Variants in NPHP4 observed in about 807,000 individuals in gnomAD.
NPHP4 encodes the protein nephrocystin 4, also known as nephrocystin-4.
In NPHP4, 151 loss-of-function variants were observed where a neutral mutation model predicts 155.8. The ratio of observed to expected loss-of-function variants is 0.97; its 90% CI spans 0.85 to 1.11. The LOEUF (loss-of-function observed/expected upper bound fraction) is 1.11, where lower values mean the gene tolerates loss of function less well. Ranked by LOEUF, NPHP4 falls within the 50% of genes least tolerant of loss-of-function variation. The pLI is 0.00. For synonymous variants in NPHP4, 845 were observed against 816.8 expected, an observed-to-expected ratio of 1.03 and a Z score of -0.59; for missense variants, 1,956 against 1,925.7, an observed-to-expected ratio of 1.02 and a Z score of -0.29.
chr1:5,951,736 TC>T (rs1164295596), intron 7 of NPHP4, among the ~76,000 whole-genome samples: 1 of 152,144 alleles, frequency 6.6e-6, no homozygotes, highest in Non-Finnish European at 1.5e-5. Context: ...ACATAAGCAG[TC>T]CCCAAACCTG....
chr1:5,968,618 C>T (rs1283633543), intron 4 of NPHP4, among the ~76,000 whole-genome samples: 3 of 151,136 alleles, frequency 2.0e-5, no homozygotes, highest in African/African-American at 4.9e-5. Context: ...AAAAAAAAGG[C>T]AAACCCCCAA....
In NPHP4 at chr1:5,974,627, C is replaced by T. The variant is rs1438520341; in HGVS notation, c.279+3643G>A. On this transcript the variant is annotated intron_variant, in intron 3 of 29. Coordinates refer to ENST00000378156, the MANE Select transcript of NPHP4 (RefSeq NM_015102.5). ...CAGAATTCTGAGCTCAGAGCTGAGA[C>T]GTGTCTGGGGACTGCTCTCCTGCAT... 2.0e-5 allele frequency among the ~76,000 whole-genome samples: 3 copies of T among 151,250 alleles called. 1 individual carries two copies. The highest frequency in any genetic ancestry group is 1.3e-4 in the Admixed American group (2 of 15,172).
At chr1:5,936,784 G>A (rs1646562399) in intron 9 of NPHP4, among the ~76,000 whole-genome samples, 1 of 152,174 alleles carries the variant, frequency 6.6e-6, no homozygotes, top group Non-Finnish European at 1.5e-5. Flanking sequence ...CGGGCTCAAT[G>A]TGTCCTCCAA....
intron 2 of NPHP4, among the ~76,000 whole-genome samples, chr1:5,985,798 T>A (rs1655388836): frequency 6.6e-6 from 1 of 152,232 alleles, no homozygotes; most frequent in Non-Finnish European, 1.5e-5. Context: ...ATGATGGGAC[T>A]CTATCCTGTT....
chr1:5,902,707 T>C (rs1194000634), intron 16 of NPHP4, among the ~76,000 whole-genome samples: 4 of 152,318 alleles, frequency 2.6e-5, no homozygotes, highest in South Asian at 4.1e-4. Flanking sequence ...TTCACCAACA[T>C]AGGCATTTAA....
At chr1:5,879,020 C>T (rs1482698977) in intron 19 of NPHP4, among the ~76,000 whole-genome samples, 1 of 152,256 alleles carries the variant, frequency 6.6e-6, no homozygotes, top group Non-Finnish European at 1.5e-5. Context: ...CCCAGAACAA[C>T]AGACTCTATC....
At position 5,889,947 on chromosome 1, in the gene NPHP4, G is replaced by T. The variant is rs1644031741; in HGVS notation, c.2304+921C>A. The stretch of plus-strand genomic sequence containing the variant: ...GCAGGGATGGAGCCTGGATCAGTCG[G>T]TCACACGGGGAGCCAAGAGCAGACC... On this transcript the variant is annotated intron_variant, in intron 17 of 29. Transcript: ENST00000378156. The surrounding 1 kb of genome is among the most constrained non-coding windows in gnomAD (Gnocchi z 4.2). 6.6e-6 allele frequency among the ~76,000 whole-genome samples: 1 copy of T among 152,216 alleles called. No individual in the cohort carries two copies. Among genetic ancestry groups the T allele is most frequent in the African/African-American group, 2.4e-5 (1 of 41,456 alleles).
intron 11 of NPHP4, among the ~76,000 whole-genome samples, chr1:5,918,717 T>G (rs1645591050): frequency 6.6e-6 from 1 of 152,216 alleles, no homozygotes. Flanking sequence ...GTTACAAACT[T>G]TATCACAGCA....
In NPHP4 at chr1:5,933,216, A is replaced by G. The variant is rs756525944; in HGVS notation, c.1233T>C (p.Gly411=). ...DSGRVTLPLQ[G]GIQPNPSHCL... ...AGTGCGAGGGGTTGGGCTGGATCCC[A>G]CCCTGCAGAGGCAGGGTCACCCTTC... Residue 411 remains glycine, a synonymous_variant, in exon 10 of 30, where the codon GGT becomes GGC. Transcript: ENST00000378156. The G allele has an allele frequency of 6.2e-7, 1 of 1,613,924 alleles. No homozygotes were observed. The highest frequency in any genetic ancestry group is 8.5e-7 in the Non-Finnish European group (1 of 1,179,836).
chr1:5,964,938 TA>T lies in NPHP4; in HGVS notation c.517+2360del, dbSNP rs1279586397. 8.0e-4 allele frequency among the ~76,000 whole-genome samples: 34 copies of T among 42,454 alleles called. 3 individuals are homozygous for T. The highest frequency in any genetic ancestry group is 5.7e-3 in the East Asian group (7 of 1,224). The allele number at this position is 42,454 out of a possible 152,430, so 27.9% of individuals were successfully genotyped here. On this transcript the variant is annotated intron_variant, in intron 5 of 29. Transcript: ENST00000378156. ...TATATTATATATATATATATATATATATATTTTTTTTTTTTGAGGCAGGGTC... is the reference window on the plus strand; with the variant it reads ...TATATTATATATATATATATATATATTATTTTTTTTTTTTGAGGCAGGGTC...
At position 5,981,653 on chromosome 1, in the gene NPHP4, ACTAT is replaced by A. The variant is rs1257009906; in HGVS notation, c.136-3244_136-3241del. ...AACTAAAATTATACAAACTTATAAG[ACTAT>A]CTATACCAAACCATCATCTATTTCC... On this transcript the variant is annotated intron_variant, in intron 2 of 29. Transcript: ENST00000378156. 2.6e-5 allele frequency among the ~76,000 whole-genome samples: 4 copies of A among 152,232 alleles called. No homozygotes were observed. In the East Asian group the frequency reaches 7.7e-4, roughly 29 times the overall value.
intron 11 of NPHP4, among the ~76,000 whole-genome samples, chr1:5,915,428 T>C (rs1015086076): frequency 6.6e-6 from 1 of 152,202 alleles, no homozygotes; most frequent in African/African-American, 2.4e-5. Flanking sequence ...AGAATTCACA[T>C]GGCAAACCCA....
intron 11 of NPHP4, among the ~76,000 whole-genome samples, chr1:5,922,916 T>G (rs1645817167): frequency 6.6e-6 from 1 of 152,210 alleles, no homozygotes; most frequent in Non-Finnish European, 1.5e-5. Context: ...GTGGATTGCT[T>G]GAGCTCAGGA....
chr1:5,890,114 A>G lies in NPHP4; in HGVS notation c.2304+754T>C, dbSNP rs1429787822. 6.6e-6 allele frequency among the ~76,000 whole-genome samples: 1 copy of G among 152,104 alleles called. No homozygotes were observed. Among genetic ancestry groups the G allele is most frequent in the African/African-American group, 2.4e-5 (1 of 41,400 alleles). ...AGAGGACAGGAAGCCCCGGGGGTTC[A>G]GCCGTGTCAGGAATCCAGGAGGAAA... On this transcript the variant is annotated intron_variant, in intron 17 of 29. Transcript: ENST00000378156. This position sits in a 1 kb window ranked among gnomAD's most constrained non-coding sequence, Gnocchi z 4.9.
intron 9 of NPHP4, among the ~76,000 whole-genome samples, chr1:5,937,443 C>T (rs928769775): frequency 1.3e-5 from 2 of 152,224 alleles, no homozygotes; most frequent in Admixed American, 6.5e-5. Flanking sequence ...CTTACTTAGA[C>T]GAAGGTGAAA....
chr1:5,915,965 G>A (rs532852805), intron 11 of NPHP4, among the ~76,000 whole-genome samples: 1 of 152,166 alleles, frequency 6.6e-6, no homozygotes, highest in Non-Finnish European at 1.5e-5. Context: ...CCAGCTAGCA[G>A]CACAGCAGGC....
intron 3 of NPHP4, among the ~76,000 whole-genome samples, chr1:5,975,047 G>A (rs186962803): frequency 2.0e-5 from 3 of 152,296 alleles, no homozygotes; most frequent in African/African-American, 4.8e-5. Flanking sequence ...GGTGTTTTAC[G>A]AACCTCTATT....
At chr1:5,978,571 T>C (rs1210147993) in intron 2 of NPHP4, among the ~76,000 whole-genome samples, 158 bp from the exon 3 acceptor site, 2 of 151,984 alleles carry the variant, frequency 1.3e-5, no homozygotes, top group African/African-American at 2.4e-5. Flanking sequence ...CTACTGGTCT[T>C]GGTGGGGTTA....
At chr1:5,921,833 C>T (rs1171561514) in intron 11 of NPHP4, among the ~76,000 whole-genome samples, 3 of 152,198 alleles carry the variant, frequency 2.0e-5, no homozygotes, top group Non-Finnish European at 4.4e-5. Flanking sequence ...TGACATGAAG[C>T]TAGGACTGAA....
Sources: gnomAD v4.1 joint callset for allele counts (sites outside exome capture counted in the v4.1 genomes callset) on GRCh38, gnomAD v4.1.1 for gene constraint, Gnocchi (gnomAD v3.1) non-coding constraint, MANE v1.5 for transcripts, NCBI Gene and HGNC (gene_info 2026-07-23, HGNC 2026-07-21) for gene names.